Variants in BAIAP2 observed in about 807,000 individuals in gnomAD.
BAIAP2 encodes BAR/IMD domain containing adaptor protein 2.
A neutral mutation model predicts 63.0 loss-of-function variants in BAIAP2; 18 were observed. That is an observed-to-expected ratio of 0.29 (90% confidence interval 0.20 to 0.42). The LOEUF (loss-of-function observed/expected upper bound fraction) is 0.42, where lower values mean the gene tolerates loss of function less well. Ranked by LOEUF, BAIAP2 falls within the 10% of genes least tolerant of loss-of-function variation. BAIAP2 has a pLI of 1.00. For synonymous variants in BAIAP2, 386 were observed against 307.6 expected (o/e 1.25, Z -2.67); for missense variants, 610 against 734.3 (o/e 0.83, Z 1.96).
At chr17:81,061,846 C>T (rs114158202) in intron 3 of BAIAP2, among the ~76,000 whole-genome samples, 2,933 of 152,222 alleles carry the variant, frequency 0.019, 31 homozygotes, top group Non-Finnish European at 0.022. Flanking sequence ...TCTTAAGTTA[C>T]GAGAGTCCTC....
At position 81,116,161 on chromosome 17, in the gene BAIAP2, G is replaced by A; in HGVS notation, c.*322G>A. On this transcript the variant is annotated 3_prime_UTR_variant, in exon 14 of 14. Transcript: ENST00000428708. ...TTAAGGGAGGACATTTGGCCAGCTG[G>A]TGGCTGGGAGGGGAGCCTGGCTGCC... 6.2e-7 allele frequency: 1 copy of A among 1,603,112 alleles called. No homozygotes were observed.
intron 1 of BAIAP2, among the ~76,000 whole-genome samples, chr17:81,043,147 G>A (rs138267083): frequency 0.024 from 3,588 of 152,300 alleles, 139 homozygotes; most frequent in African/African-American, 0.082. Flanking sequence ...GATTACAGGC[G>A]TGAGCCACTG....
intron 13 of BAIAP2, among the ~76,000 whole-genome samples, chr17:81,112,074 C>T (rs1598855697): frequency 6.6e-6 from 1 of 152,230 alleles, no homozygotes; most frequent in Non-Finnish European, 1.5e-5. Context: ...GATGGAGATG[C>T]TCTGGGTTGG....
intron 2 of BAIAP2, among the ~76,000 whole-genome samples, chr17:81,057,129 T>C (rs1223541953): frequency 1.3e-5 from 2 of 152,208 alleles, no homozygotes; most frequent in Non-Finnish European, 2.9e-5. Flanking sequence ...TACACTGCTC[T>C]CCGGGGCCCT....
chr17:81,076,050 G>C (rs2053610879), intron 3 of BAIAP2, among the ~76,000 whole-genome samples: 1 of 152,004 alleles, frequency 6.6e-6, no homozygotes, highest in Non-Finnish European at 1.5e-5. Context: ...GTAGAAGCCA[G>C]CTCCTGCTGG....
In BAIAP2 at chr17:81,063,077, G is replaced by A. The variant is rs77695055; in HGVS notation, c.217+5110G>A. Among the ~76,000 whole-genome samples, 428 of 152,212 alleles carry A rather than the reference G, an allele frequency of 2.8e-3. 7 individuals are homozygous for A. In the East Asian group the frequency reaches 0.055, roughly 20 times the overall value. On this transcript the variant is annotated intron_variant, in intron 3 of 13. Coordinates refer to ENST00000428708, the MANE Select transcript of BAIAP2 (RefSeq NM_001144888.2). ...TGCAGCCTCCAGGGCCCACAGGAGCGGGGACCTGAGCGAGGAGGACTGCAG... is the reference window on the plus strand; with the variant it reads ...TGCAGCCTCCAGGGCCCACAGGAGCAGGGACCTGAGCGAGGAGGACTGCAG...
chr17:81,084,188 C>T (rs564613781), intron 3 of BAIAP2, among the ~76,000 whole-genome samples: 1 of 152,332 alleles, frequency 6.6e-6, no homozygotes, highest in African/African-American at 2.4e-5. Flanking sequence ...GCAAGGCGAG[C>T]CCAGGCCAGC....
At chr17:81,037,020 A>G (rs1555650774) in intron 1 of BAIAP2, 1 of 1,427,324 alleles carries the variant, frequency 7.0e-7, no homozygotes, top group Non-Finnish European at 9.5e-7. Context: ...CCTTAATAAA[A>G]CTCTCCTAAC....
chr17:81,055,574 G>GTTTTTTGTTTTTTTTTTGTTTT (rs370775327), intron 2 of BAIAP2, among the ~76,000 whole-genome samples: 2,520 of 123,344 alleles, frequency 0.02, 98 homozygotes, highest in African/African-American at 0.068. Flanking sequence ...AGGGTGTTTT[G>GTTTTTTGTTTTTTTTTTGTTTT]TTTTTTTTTG....
chr17:81,096,499 C>T (rs562561763), intron 6 of BAIAP2, among the ~76,000 whole-genome samples: 2 of 152,356 alleles, frequency 1.3e-5, no homozygotes, highest in Non-Finnish European at 2.9e-5. Flanking sequence ...GCGGGAGGAG[C>T]GGGGCAGGAC....
At chr17:81,072,634 T>TG (rs909659053) in intron 3 of BAIAP2, among the ~76,000 whole-genome samples, 10 of 152,214 alleles carry the variant, frequency 6.6e-5, no homozygotes, top group African/African-American at 2.4e-4. Context: ...CCCAAGTCCG[T>TG]GGGGTCTTCA....
intron 1 of BAIAP2, among the ~76,000 whole-genome samples, chr17:81,050,822 A>T (rs552607433): frequency 6.7e-6 from 1 of 148,220 alleles, no homozygotes; most frequent in African/African-American, 2.5e-5. Flanking sequence ...CACGCACACC[A>T]GAACACTAGA....
intron 1 of BAIAP2, among the ~76,000 whole-genome samples, chr17:81,051,884 C>G (rs938855568): frequency 2.0e-5 from 3 of 152,246 alleles, no homozygotes; most frequent in Non-Finnish European, 1.5e-5. Flanking sequence ...GAGATGGGGT[C>G]TTACCACGTT....
At chr17:81,111,081 A>G (rs2146131736) in intron 13 of BAIAP2, 1 of 1,200,890 alleles carries the variant, frequency 8.3e-7, no homozygotes, top group South Asian at 1.3e-5. Flanking sequence ...CCAGGGGTCC[A>G]CTGAGCCTGC....
chr17:81,077,265 G>C, intron 3 of BAIAP2, among the ~76,000 whole-genome samples: 1 of 152,092 alleles, frequency 6.6e-6, no homozygotes, highest in Non-Finnish European at 1.5e-5. Context: ...TCCCCACACC[G>C]GCCACAGTCC....
At chr17:81,053,201 A>T (rs2048937648) in intron 1 of BAIAP2, among the ~76,000 whole-genome samples, 1 of 147,764 alleles carries the variant, frequency 6.8e-6, no homozygotes, top group African/African-American at 2.5e-5. Context: ...AGTGGTGCTA[A>T]TCAGAGCTGA....
chr17:81,069,652 G>A (rs1167290709), intron 3 of BAIAP2, among the ~76,000 whole-genome samples: 2 of 152,218 alleles, frequency 1.3e-5, no homozygotes. Context: ...CTGGCGGGGG[G>A]CGTGGTTCTC....
At chr17:81,087,375 CCGTGTGCGTGTGTCTG>C (rs1432067087) in intron 6 of BAIAP2, 1 of 152,226 alleles carries the variant, frequency 6.6e-6, no homozygotes, top group Non-Finnish European at 1.5e-5. Context: ...ACACACCTGC[CCGTGTGCGTGTGTCTG>C]CGTGTGTGTG....
At chr17:81,086,312 A>C in intron 5 of BAIAP2, 131 bp from the exon 6 acceptor site, 1 of 1,128,332 alleles carries the variant, frequency 8.9e-7, no homozygotes, top group Non-Finnish European at 1.3e-6. Context: ...AGAGCGAGCC[A>C]GGAAGGGAGT....
Sources: gnomAD v4.1 joint callset for allele counts (sites outside exome capture counted in the v4.1 genomes callset) on GRCh38, gnomAD v4.1.1 for gene constraint, MANE v1.5 for transcripts, NCBI Gene and HGNC (gene_info 2026-07-23, HGNC 2026-07-21) for gene names.